GPM6A: variants seen among roughly 807,000 people sequenced by gnomAD.
The protein encoded by GPM6A is neuronal membrane glycoprotein M6-a.
A neutral mutation model predicts 32.1 loss-of-function variants in GPM6A; 7 were observed. The observed-to-expected ratio is 0.22, with a 90% CI of 0.12 to 0.41. The LOEUF is 0.41. GPM6A is among the 10% of genes least tolerant of loss of function. GPM6A has a pLI of 1.00. For synonymous variants in GPM6A, 130 were observed against 123.4 expected (o/e 1.05, Z -0.35); for missense variants, 235 against 347.2 (o/e 0.68, Z 2.57).
At chr4:175,876,926 T>G (rs1268395722) in intron 1 of GPM6A, among the ~76,000 whole-genome samples, 2 of 152,196 alleles carry the variant, frequency 1.3e-5, no homozygotes, top group African/African-American at 2.4e-5. Flanking sequence ...GTCAAGAGAC[T>G]GGTGACACTG....
chr4:175,750,795 A>G (rs983588274), intron 1 of GPM6A, among the ~76,000 whole-genome samples: 2 of 151,760 alleles, frequency 1.3e-5, no homozygotes, highest in Admixed American at 6.6e-5. Context: ...GCTGGTCTCA[A>G]CTCCTGACCT....
At chr4:175,661,931 T>TA (rs1250121690) in intron 3 of GPM6A, among the ~76,000 whole-genome samples, 1 of 152,144 alleles carries the variant, frequency 6.6e-6, no homozygotes, top group African/African-American at 2.4e-5. Flanking sequence ...TTCAAATATT[T>TA]AAAAATGTTA....
At chr4:175,803,415 A>G (rs1156330625) in intron 1 of GPM6A, among the ~76,000 whole-genome samples, 3 of 152,164 alleles carry the variant, frequency 2.0e-5, no homozygotes, top group Non-Finnish European at 2.9e-5. Context: ...TAGTCCTTTA[A>G]TTCTGACTCT....
chr4:175,943,612 G>A (rs1739488053), intron 1 of GPM6A, among the ~76,000 whole-genome samples: 1 of 152,046 alleles, frequency 6.6e-6, no homozygotes, highest in Admixed American at 6.6e-5. Flanking sequence ...TTTATCGAAG[G>A]CCTTTTCTGC....
chr4:175,824,852 G>A (rs975700702), intron 1 of GPM6A, among the ~76,000 whole-genome samples: 1 of 152,088 alleles, frequency 6.6e-6, no homozygotes, highest in African/African-American at 2.4e-5. Flanking sequence ...ATTTTCACAA[G>A]TTCTACAACT....
intron 1 of GPM6A, chr4:175,962,443 G>C: frequency 7.3e-6 from 5 of 685,828 alleles, no homozygotes; most frequent in South Asian, 7.0e-5. Context: ...CACCAACCTA[G>C]GACAATAAGG....
intron 1 of GPM6A, among the ~76,000 whole-genome samples, chr4:175,971,490 C>T (rs969638029): frequency 6.6e-6 from 1 of 152,146 alleles, no homozygotes; most frequent in Non-Finnish European, 1.5e-5. Flanking sequence ...GAACCAAACA[C>T]ATTCAACAGA....
chr4:175,649,083 C>G (rs1741635015), intron 4 of GPM6A, among the ~76,000 whole-genome samples: 1 of 152,168 alleles, frequency 6.6e-6, no homozygotes, highest in South Asian at 2.1e-4. Context: ...AATAATTGTG[C>G]TAAGATTCAG....
At chr4:175,750,288 C>T (rs771897874) in intron 1 of GPM6A, among the ~76,000 whole-genome samples, 4 of 152,060 alleles carry the variant, frequency 2.6e-5, no homozygotes, top group African/African-American at 7.2e-5. Context: ...GAACTCTTGA[C>T]CTCAGGTGAT....
chr4:175,817,161 C>T (rs1474716009), upstream of GPM6A, among the ~76,000 whole-genome samples: 1 of 152,178 alleles, frequency 6.6e-6, no homozygotes, highest in Non-Finnish European at 1.5e-5. Context: ...CCGCGGCCAA[C>T]ATTTTCTTAA....
chr4:176,001,816 C>T (rs958660653), intron 1 of GPM6A, among the ~76,000 whole-genome samples: 1 of 152,212 alleles, frequency 6.6e-6, no homozygotes, highest in Non-Finnish European at 1.5e-5. Flanking sequence ...CAAACCTGTA[C>T]AAAGTGGAAG....
At chr4:175,926,703 T>A (rs1738849510) in intron 1 of GPM6A, among the ~76,000 whole-genome samples, 1 of 152,176 alleles carries the variant, frequency 6.6e-6, no homozygotes, top group East Asian at 1.9e-4. Flanking sequence ...AAGAATATGT[T>A]CCTTTTAGCA....
At chr4:175,955,291 C>T (rs1163622620) in intron 1 of GPM6A, among the ~76,000 whole-genome samples, 1 of 152,142 alleles carries the variant, frequency 6.6e-6, no homozygotes, top group Non-Finnish European at 1.5e-5. Flanking sequence ...TAGCTTATTT[C>T]AATATGCGGT....
intron 1 of GPM6A, among the ~76,000 whole-genome samples, chr4:175,745,195 T>C (rs952845749): frequency 1.4e-4 from 22 of 152,150 alleles, no homozygotes; most frequent in Admixed American, 1.4e-3. Context: ...TAAATGTAAA[T>C]CTGTTATCCT....
chr4:175,645,304 G>A (rs1395203093), intron 4 of GPM6A, among the ~76,000 whole-genome samples: 2 of 152,116 alleles, frequency 1.3e-5, no homozygotes, highest in Non-Finnish European at 2.9e-5. Flanking sequence ...TATGAACAAC[G>A]TCAGAGAAAA....
chr4:175,867,415 T>G (rs1736774113), intron 1 of GPM6A, among the ~76,000 whole-genome samples: 1 of 152,170 alleles, frequency 6.6e-6, no homozygotes, highest in South Asian at 2.1e-4. Flanking sequence ...TGATCCAGTT[T>G]GAGTTCGTTT....
At chr4:175,980,199 C>T (rs1740779889) in intron 1 of GPM6A, among the ~76,000 whole-genome samples, 1 of 152,046 alleles carries the variant, frequency 6.6e-6, no homozygotes, top group African/African-American at 2.4e-5. Flanking sequence ...ACAAAAACTA[C>T]AGAAAGAAAT....
At chr4:175,675,464 T>G (rs1446761160) in intron 2 of GPM6A, among the ~76,000 whole-genome samples, 1 of 152,108 alleles carries the variant, frequency 6.6e-6, no homozygotes, top group Admixed American at 6.6e-5. Context: ...TAATTAAAAG[T>G]TAATACAGCA....
intron 1 of GPM6A, among the ~76,000 whole-genome samples, chr4:175,832,069 A>G (rs969897960): frequency 5.3e-5 from 8 of 152,000 alleles, no homozygotes; most frequent in African/African-American, 1.9e-4. Flanking sequence ...ACCTTCCCTG[A>G]TACTCCCTTA....
Sources: gnomAD v4.1 joint callset for allele counts (sites outside exome capture counted in the v4.1 genomes callset) on GRCh38, gnomAD v4.1.1 for gene constraint, MANE v1.5 for transcripts, NCBI Gene and HGNC (gene_info 2026-07-23, HGNC 2026-07-21) for gene names.